The following BTN1A1 variants were observed in gnomAD, a reference collection of about 807,000 sequenced individuals.
BTN1A1 encodes the protein butyrophilin subfamily 1 member A1, also known as bK14H9.2 (butyrophilin, subfamily 1, member A1).
A neutral mutation model predicts 33.1 loss-of-function variants in BTN1A1; 26 were observed. The ratio of observed to expected loss-of-function variants is 0.79; its 90% confidence interval spans 0.58 to 1.09. The LOEUF is 1.09. Ranked by LOEUF, BTN1A1 falls within the 50% of genes least tolerant of loss-of-function variation. The pLI, the probability that BTN1A1 is intolerant of heterozygous loss-of-function variation, is 0.00. For missense variants in BTN1A1, 558 were observed against 655.7 expected (o/e 0.85, Z 1.63); for synonymous variants, 235 against 256.2 (o/e 0.92, Z 0.79).
At position 26,508,768 on chromosome 6, in the gene BTN1A1, G is replaced by T; in HGVS notation, c.1175G>T (p.Gly392Val). ...KGFDPMTPEN[G>V]FWAVELYGNG... Reference sequence around the variant, plus strand: ...TTTGACCCCATGACTCCTGAGAATGGGTTCTGGGCTGTAGAGTTGTATGGA... The same window carrying T: ...TTTGACCCCATGACTCCTGAGAATGTGTTCTGGGCTGTAGAGTTGTATGGA... The change falls in exon 8 of 8, where the codon GGG becomes GTG. Residue 392 changes from glycine (G) to valine (V), a missense_variant. By Grantham distance (109) the Gly-to-Val change is moderately radical. Transcript: ENST00000684113. 2 of 1,614,108 alleles carry T rather than the reference G, an allele frequency of 1.2e-6. No individual in the cohort carries two copies. Among genetic ancestry groups the T allele is most frequent in the Non-Finnish European group, 1.7e-6 (2 of 1,180,018 alleles).
At position 26,507,975 on chromosome 6, in the gene BTN1A1, G is replaced by A. The variant is rs749756665; in HGVS notation, c.880+5G>A. The A allele has an allele frequency of 6.2e-6, 10 of 1,613,922 alleles. No individual in the cohort carries two copies. Among genetic ancestry groups the A allele is most frequent in the African/African-American group, 1.3e-5 (1 of 74,884 alleles). On this transcript the variant is annotated splice_donor_5th_base_variant and intron_variant, in intron 6 of 7. Coordinates refer to ENST00000684113, the MANE Select transcript of BTN1A1 (RefSeq NM_001732.3). ...AGAGACTCCTGGAAGAACTCAGTAA[G>A]TTCTGTCTTCTTGTTATTTCACCCA...
chr6:26,501,363 C>T lies in BTN1A1; in HGVS notation c.77C>T (p.Ser26Leu). ...LILLQLPKLD[S>L]APFDVIGPPE... ...CTCCTCCAGCTGCCCAAACTGGATT[C>T]AGGTAAGTCTCTCTCTCTCTCTGGG... Residue 26 changes from serine to leucine, a missense_variant and splice_region_variant, in exon 2 of 8, where the codon TCA becomes TTA. By Grantham distance (145) the Ser-to-Leu change is moderately radical. Transcript: ENST00000684113. The surrounding 1 kb of genome is among the most constrained non-coding windows in gnomAD (Gnocchi z 5.2). 1.2e-6 allele frequency: 2 copies of T among 1,612,608 alleles called. No homozygotes were observed. Among genetic ancestry groups the T allele is most frequent in the South Asian group, 2.2e-5 (2 of 91,050 alleles).
In BTN1A1 at chr6:26,508,438, G is replaced by A. The variant is rs1198024381; in HGVS notation, c.908-63G>A. 6.0e-6 allele frequency: 9 copies of A among 1,506,090 alleles called. No homozygotes were observed. The East Asian group carries it at 1.6e-4, about 26-fold the overall frequency. The allele number at this position is 1,506,090 out of a possible 1,614,324, so 93.3% of individuals were successfully genotyped here. On this transcript the variant is annotated intron_variant, in intron 7 of 7. Coordinates refer to ENST00000684113, the MANE Select transcript of BTN1A1 (RefSeq NM_001732.3). ...ACAGTGTTCTGTTTCTTAGGAGAAG[G>A]AAAGACAGTCCTGCAACCTGTAATA...
In BTN1A1 at chr6:26,501,671, C is replaced by G. The variant is rs148384181; in HGVS notation, c.161C>G (p.Pro54Arg). 6.9e-5 allele frequency: 112 copies of G among 1,613,904 alleles called. No individual in the cohort carries two copies. In the African/African-American group the frequency reaches 1.4e-3, roughly 20 times the overall value. ...EDAELPCRLSPNASAEHLELR... is the reference protein window; with the variant it reads ...EDAELPCRLSRNASAEHLELR... ...GCCGAGCTGCCCTGTCGCCTGTCTC[C>G]GAACGCGAGCGCCGAGCACTTGGAG... The change falls in exon 3 of 8, where the codon CCG becomes CGG. Residue 54 changes from proline to arginine, a missense_variant. Coordinates refer to ENST00000684113, the MANE Select transcript of BTN1A1 (RefSeq NM_001732.3). This position sits in a 1 kb window ranked among gnomAD's most constrained non-coding sequence, Gnocchi z 5.2.
Position 26,504,959 on chromosome 6 carries a change from T to A in BTN1A1, c.462T>A (p.Val154=). 2 of 1,614,120 alleles carry A rather than the reference T, an allele frequency of 1.2e-6. No individual in the cohort carries two copies. Among genetic ancestry groups the A allele is most frequent in the Non-Finnish European group, 1.7e-6 (2 of 1,180,020 alleles). The change falls in exon 4 of 8, where the codon GTT becomes GTA. Residue 154 remains valine (V), a synonymous_variant. Transcript: ENST00000684113. ...CTGACCCTCACATCAGTATGCAAGT[T>A]CAAGAGAATGGAGAAATCTGTCTGG... ...LGSDPHISMQ[V]QENGEICLEC...
At chr6:26,503,658 T>TTA (rs374349868) in intron 3 of BTN1A1, among the ~76,000 whole-genome samples, 1,487 of 147,944 alleles carry the variant, frequency 0.01, 10 homozygotes, top group African/African-American at 0.031. Flanking sequence ...TATGCATATA[T>TTA]TATATATATA....
At position 26,508,940 on chromosome 6, in the gene BTN1A1, T is replaced by C. The variant is rs561565848; in HGVS notation, c.1347T>C (p.Asn449=). ...GATCTGATATCTATACTTTCTCCAA[T>C]GTCACTTTCTCTGGCCCCCTCCGGC... is the stretch of plus-strand genomic sequence containing the variant. ...NDGSDIYTFS[N]VTFSGPLRPF... Residue 449 remains asparagine, a synonymous_variant, in exon 8 of 8, where the codon AAT becomes AAC. Coordinates refer to ENST00000684113, the MANE Select transcript of BTN1A1 (RefSeq NM_001732.3). 7 of 1,614,240 alleles carry C rather than the reference T, an allele frequency of 4.3e-6. No homozygotes were observed. The highest frequency in any genetic ancestry group is 3.3e-5 in the Admixed American group (2 of 60,026).
At chr6:26,507,753 A>G (rs1049134069) in intron 5 of BTN1A1, among the ~76,000 whole-genome samples, 197 bp from the exon 6 acceptor site, 42 of 152,010 alleles carry the variant, frequency 2.8e-4, no homozygotes, top group African/African-American at 9.6e-4. Flanking sequence ...GCCAGTTCCA[A>G]TATGTAGGAA....
Position 26,501,132 on chromosome 6 carries a change from G to A in BTN1A1, c.-57-98G>A. Reference sequence around the variant, plus strand: ...CTGAGAGGAGGTTTCAGGGGCAAATGACCAGAACACTTGCAGCTGGAAAGA... The same window carrying A: ...CTGAGAGGAGGTTTCAGGGGCAAATAACCAGAACACTTGCAGCTGGAAAGA... On this transcript the variant is annotated intron_variant, in intron 1 of 7. Coordinates refer to ENST00000684113, the MANE Select transcript of BTN1A1 (RefSeq NM_001732.3). The surrounding 1 kb of genome is among the most constrained non-coding windows in gnomAD (Gnocchi z 5.2). 1.5e-6 allele frequency: 1 copy of A among 674,722 alleles called. No homozygotes were observed. The highest frequency in any genetic ancestry group is 2.7e-6 in the Non-Finnish European group (1 of 375,258). 41.8% of individuals were successfully genotyped at this position (674,722 alleles called of 1,614,324 possible). A position where few individuals can be genotyped will look rare whatever the true frequency, so the allele number is the denominator to read the frequency against.
At chr6:26,508,416 G>A in intron 7 of BTN1A1, 85 bp from the exon 8 acceptor site, 1 of 1,425,976 alleles carries the variant, frequency 7.0e-7, no homozygotes, top group South Asian at 1.3e-5. Context: ...TCCTACAACA[G>A]TGTTCTGTTT....
At chr6:26,505,815 A>T (rs1229817934) in intron 4 of BTN1A1, among the ~76,000 whole-genome samples, 1 of 152,106 alleles carries the variant, frequency 6.6e-6, no homozygotes, top group Non-Finnish European at 1.5e-5. Flanking sequence ...TTCTCTCCTC[A>T]AGTAAACAAA....
Position 26,501,933 on chromosome 6 carries a change from G to T in BTN1A1, c.423G>T (p.Val141=). The T allele has an allele frequency of 6.4e-7, 1 of 1,562,886 alleles. No homozygotes were observed. The highest frequency in any genetic ancestry group is 8.7e-7 in the Non-Finnish European group (1 of 1,152,970). The change falls in exon 3 of 8, where the codon GTG becomes GTT. Residue 141 remains valine (V), a synonymous_variant. Transcript: ENST00000684113. The surrounding 1 kb of genome is among the most constrained non-coding windows in gnomAD (Gnocchi z 5.2). Reference sequence around the variant, plus strand: ...AAGAAGCCCTGGTGCATCTGAAGGTGGCTGGTGAGTAGACGGGTTTTGACT... The same window carrying T: ...AAGAAGCCCTGGTGCATCTGAAGGTTGCTGGTGAGTAGACGGGTTTTGACT... The part of the protein sequence containing the change: ...SYEEALVHLK[V]AALGSDPHIS...
chr6:26,501,586 G>A lies in BTN1A1; in HGVS notation c.80-4G>A. On this transcript the variant is annotated splice_region_variant and splice_polypyrimidine_tract_variant and intron_variant, in intron 2 of 7. Transcript: ENST00000684113. The surrounding 1 kb of genome is among the most constrained non-coding windows in gnomAD (Gnocchi z 5.2). The stretch of plus-strand genomic sequence containing the variant: ...CCCGTCTGATCCCGCTCGTTTTTCG[G>A]CAGCTCCCTTTGACGTGATTGGACC... The A allele has an allele frequency of 6.2e-7, 1 of 1,612,190 alleles. No homozygotes were observed. Among genetic ancestry groups the A allele is most frequent in the African/African-American group, 1.3e-5 (1 of 74,992 alleles).
rs550589812 is a variant in BTN1A1 at position 26,500,914 on chromosome 6, A to AAAAT, written c.-57-296_-57-293dup. ...TGGGCAACAGAGCAAGACTGTCTCA[A>AAAAT]AAATAAATAAATAAATAAATAAAAA... On this transcript the variant is annotated intron_variant, in intron 1 of 7. Transcript: ENST00000684113. Among the ~76,000 whole-genome samples, 316 of 152,268 alleles carry AAAAT rather than the reference A, an allele frequency of 2.1e-3. 8 individuals are homozygous for AAAAT. Among genetic ancestry groups the AAAAT allele is most frequent in the Non-Finnish European group, 6.8e-4 (46 of 68,026 alleles).
At chr6:26,508,219 G>T (rs1234068898) in intron 7 of BTN1A1, 132 bp downstream of exon 7, 1 of 1,215,254 alleles carries the variant, frequency 8.2e-7, no homozygotes, top group Admixed American at 2.3e-5. Context: ...ATGACAGATG[G>T]CCTCAACAGT....
At position 26,509,097 on chromosome 6, in the gene BTN1A1, G is replaced by A. The variant is rs1201652612; in HGVS notation, c.1504G>A (p.Glu502Lys). ...SKEIPLSPMG[E>K]DSAPRDADTL... ...GGAGATCCCATTGTCCCCCATGGGG[G>A]AGGACTCTGCCCCTAGGGATGCAGA... The change falls in exon 8 of 8, where the codon GAG becomes AAG. Residue 502 changes from glutamate (E) to lysine (K), a missense_variant. By Grantham distance (56) the Glu-to-Lys change is moderately conservative (BLOSUM62 1). Coordinates refer to ENST00000684113, the MANE Select transcript of BTN1A1 (RefSeq NM_001732.3). The A allele has an allele frequency of 4.3e-6, 7 of 1,613,966 alleles. No individual in the cohort carries two copies. Among genetic ancestry groups the A allele is most frequent in the Non-Finnish European group, 3.4e-6 (4 of 1,179,870 alleles).
In BTN1A1 at chr6:26,509,104, C is replaced by A. The variant is rs1763911818; in HGVS notation, c.1511C>A (p.Ser504Tyr). Residue 504 changes from serine (S) to tyrosine (Y), a missense_variant, in exon 8 of 8, where the codon TCT becomes TAT. Transcript: ENST00000684113. The part of the protein sequence containing the change: ...EIPLSPMGED[S>Y]APRDADTLHS... The stretch of plus-strand genomic sequence containing the variant: ...CCATTGTCCCCCATGGGGGAGGACT[C>A]TGCCCCTAGGGATGCAGACACTCTC... 1 of 1,613,926 alleles carries A rather than the reference C, an allele frequency of 6.2e-7. No individual in the cohort carries two copies. The highest frequency in any genetic ancestry group is 1.3e-5 in the African/African-American group (1 of 74,918).
At chr6:26,500,677 G>A (rs1763786693) in intron 1 of BTN1A1, among the ~76,000 whole-genome samples, 1 of 152,172 alleles carries the variant, frequency 6.6e-6, no homozygotes, top group Non-Finnish European at 1.5e-5. Context: ...AGCACTTTGG[G>A]AGGCCAAGGC....
chr6:26,508,037 G>A lies in BTN1A1; in HGVS notation c.881-24G>A. On this transcript the variant is annotated intron_variant, in intron 6 of 7. Coordinates refer to ENST00000684113, the MANE Select transcript of BTN1A1 (RefSeq NM_001732.3). ...CTCTCTTATTATATAACCTGTCAAT[G>A]ACTATCTTTCTCTTTTGTTGCAGAA... The A allele has an allele frequency of 1.9e-6, 3 of 1,612,440 alleles. No individual in the cohort carries two copies. In the South Asian group the frequency reaches 3.3e-5, roughly 18 times the overall value.
Sources: allele counts gnomAD v4.1 joint callset (sites outside exome capture counted in the v4.1 genomes callset), GRCh38; gene constraint gnomAD v4.1.1; non-coding constraint Gnocchi (gnomAD v3.1); transcripts MANE v1.5; gene names NCBI Gene and HGNC (gene_info 2026-07-23, HGNC 2026-07-21).